Variants in HIBADH observed in about 807,000 individuals in gnomAD.
The protein encoded by HIBADH is 3-hydroxyisobutyrate dehydrogenase.
A neutral mutation model predicts 36.1 loss-of-function variants in HIBADH; 25 were observed. That is an observed-to-expected ratio of 0.69 (90% CI 0.50 to 0.97). The LOEUF (loss-of-function observed/expected upper bound fraction) is 0.97. Ranked by LOEUF, HIBADH falls within the 50% of genes least tolerant of loss-of-function variation. The pLI, the probability that HIBADH is intolerant of heterozygous loss-of-function variation, is 0.00. For missense variants in HIBADH, 421 were observed against 418.0 expected (o/e 1.01, Z -0.06); for synonymous variants, 160 against 149.5 (o/e 1.07, Z -0.51).
chr7:27,602,096 T>G (rs1425774914), intron 4 of HIBADH, among the ~76,000 whole-genome samples: 1 of 152,104 alleles, frequency 6.6e-6, no homozygotes, highest in Non-Finnish European at 1.5e-5. Context: ...AAATGTCTTA[T>G]TTTTGCTAAA....
chr7:27,646,712 T>TC (rs1306805148), intron 2 of HIBADH, among the ~76,000 whole-genome samples: 3 of 147,736 alleles, frequency 2.0e-5, no homozygotes, highest in Admixed American at 6.8e-5. Flanking sequence ...TTTTTTTTTT[T>TC]TGAGACAGAG....
chr7:27,655,595 G>T (rs1018703986), intron 1 of HIBADH, among the ~76,000 whole-genome samples: 2 of 141,862 alleles, frequency 1.4e-5, no homozygotes, highest in African/African-American at 5.0e-5. Context: ...ATCACAAACA[G>T]ATAAAATACA....
At chr7:27,608,575 A>C (rs931274173) in intron 4 of HIBADH, among the ~76,000 whole-genome samples, 1 of 152,174 alleles carries the variant, frequency 6.6e-6, no homozygotes, top group African/African-American at 2.4e-5. Context: ...CCCTTGTCAA[A>C]TTCTCAATTA....
intron 4 of HIBADH, among the ~76,000 whole-genome samples, chr7:27,602,061 A>G (rs1002078920): frequency 6.6e-6 from 1 of 152,104 alleles, no homozygotes; most frequent in Non-Finnish European, 1.5e-5. Context: ...AGTCTCCTGC[A>G]ATAATATTGA....
chr7:27,631,210 T>C (rs964518728), intron 3 of HIBADH, among the ~76,000 whole-genome samples: 1 of 152,226 alleles, frequency 6.6e-6, no homozygotes, highest in Non-Finnish European at 1.5e-5. Flanking sequence ...GGACCATAAC[T>C]GTAACAGGCT....
intron 1 of HIBADH, among the ~76,000 whole-genome samples, chr7:27,650,529 G>A (rs540876225): frequency 6.7e-6 from 1 of 149,260 alleles, no homozygotes; most frequent in South Asian, 2.1e-4. Context: ...GTCTCACTCT[G>A]TCACCCAGAT....
intron 6 of HIBADH, among the ~76,000 whole-genome samples, chr7:27,535,821 AGGGT>A (rs1784063670): frequency 6.6e-6 from 1 of 152,114 alleles, no homozygotes; most frequent in South Asian, 2.1e-4. Context: ...AAAAGAGCAT[AGGGT>A]CAATAAGAAT....
chr7:27,580,013 G>A (rs1276017046), intron 4 of HIBADH, among the ~76,000 whole-genome samples: 1 of 152,094 alleles, frequency 6.6e-6, no homozygotes, highest in East Asian at 1.9e-4. Flanking sequence ...GAGTCTGTTT[G>A]AACAGCCACA....
In HIBADH at chr7:27,558,576, G is replaced by A. The variant is rs538963841; in HGVS notation, c.485-15476C>T. Among the ~76,000 whole-genome samples the A allele has an allele frequency of 3.9e-5, 6 of 152,056 alleles. No homozygotes were observed. In the East Asian group the frequency reaches 5.8e-4, roughly 15 times the overall value. ...TCCTAAGCTCAAGCAATCCACCTGCGGTCCCAGCTACATAGGAGGCTGAGG... is the reference window on the plus strand; with the variant it reads ...TCCTAAGCTCAAGCAATCCACCTGCAGTCCCAGCTACATAGGAGGCTGAGG... On this transcript the variant is annotated intron_variant, in intron 4 of 7. Transcript: ENST00000265395.
chr7:27,632,419 A>C lies in HIBADH; in HGVS notation c.279T>G (p.Ala93=), dbSNP rs1483289509. The change falls in exon 3 of 8, where the codon GCT becomes GCG. Residue 93 remains alanine (A), a synonymous_variant. Coordinates refer to ENST00000265395, the MANE Select transcript of HIBADH (RefSeq NM_152740.4). The part of the protein sequence containing the change: ...EQVVSSPADV[A]EKADRIITML... The stretch of plus-strand genomic sequence containing the variant: ...TTGTAATAATTCTGTCAGCTTTTTC[A>C]GCAACATCTGCTGGGGAAGATACTA... 1 of 1,613,470 alleles carries C rather than the reference A, an allele frequency of 6.2e-7. No individual in the cohort carries two copies. Among genetic ancestry groups the C allele is most frequent in the East Asian group, 2.2e-5 (1 of 44,816 alleles).
intron 7 of HIBADH, 96 bp from the exon 8 acceptor site, chr7:27,526,468 G>T (rs1783899470): frequency 1.2e-5 from 11 of 951,720 alleles, no homozygotes; most frequent in Non-Finnish European, 1.6e-5. Flanking sequence ...AAGGAAAAAT[G>T]TAATCTGAAA....
chr7:27,588,568 T>C (rs78232480), intron 4 of HIBADH, among the ~76,000 whole-genome samples: 1 of 152,160 alleles, frequency 6.6e-6, no homozygotes, highest in Non-Finnish European at 1.5e-5. Flanking sequence ...TGGCCTCAAG[T>C]GATCCTCCTG....
intron 4 of HIBADH, among the ~76,000 whole-genome samples, chr7:27,615,382 T>G (rs1352486618): frequency 6.6e-6 from 1 of 152,212 alleles, no homozygotes; most frequent in East Asian, 1.9e-4. Flanking sequence ...GATTTTTCCA[T>G]CTATAAAATG....
rs59073946 is a variant in HIBADH, at chr7:27,650,712, TA to T, written c.92-1080del. 6.0e-3 allele frequency among the ~76,000 whole-genome samples: 754 copies of T among 126,248 alleles called. 7 individuals are homozygous for T. The highest frequency in any genetic ancestry group is 0.036 in the Middle Eastern group (9 of 252). 82.8% of individuals were successfully genotyped at this position (126,248 alleles called of 152,430 possible). A position where few individuals can be genotyped will look rare whatever the true frequency, so the allele number is the denominator to read the frequency against. ...TTCACCATGTTGACCAGGCTGCCAT[TA>T]AAAAAAAAAAAAAAAAAGCCTTAAA... is the stretch of plus-strand genomic sequence containing the variant. On this transcript the variant is annotated intron_variant, in intron 1 of 7. Transcript: ENST00000265395.
chr7:27,640,722 C>G (rs977591470), intron 2 of HIBADH, among the ~76,000 whole-genome samples: 5 of 152,138 alleles, frequency 3.3e-5, no homozygotes, highest in African/African-American at 1.2e-4. Context: ...GCACGAACAT[C>G]AGAGAGAGCA....
intron 4 of HIBADH, among the ~76,000 whole-genome samples, chr7:27,593,522 A>T (rs968649020): frequency 6.6e-6 from 1 of 152,190 alleles, no homozygotes; most frequent in Non-Finnish European, 1.5e-5. Flanking sequence ...TCTTCAACAT[A>T]ATTTTTCAAA....
rs1005418 is a variant in HIBADH at position 27,570,840 on chromosome 7, A to T, written c.485-27740T>A. Among the ~76,000 whole-genome samples, 19 of 151,944 alleles carry T rather than the reference A, an allele frequency of 1.3e-4. 2 individuals are homozygous for T. The highest frequency in any genetic ancestry group is 1.1e-3 in the Admixed American group (17 of 15,246). The stretch of plus-strand genomic sequence containing the variant: ...TAGTTTTACTATCATGTATTTAGTA[A>T]GATTTCTTTTTTAAAAAAATTTAAA... On this transcript the variant is annotated intron_variant, in intron 4 of 7. Coordinates refer to ENST00000265395, the MANE Select transcript of HIBADH (RefSeq NM_152740.4).
chr7:27,616,588 A>T (rs573584948), intron 4 of HIBADH, among the ~76,000 whole-genome samples: 2 of 152,212 alleles, frequency 1.3e-5, no homozygotes, highest in African/African-American at 4.8e-5. Flanking sequence ...CAGCCTCCTA[A>T]GTAGATGGGA....
chr7:27,606,596 C>T (rs535201604), intron 4 of HIBADH, among the ~76,000 whole-genome samples: 45 of 152,240 alleles, frequency 3.0e-4, no homozygotes, highest in Non-Finnish European at 5.3e-4. Context: ...ATGGCTTTGG[C>T]CAAGAGTATT....
Sources: allele counts gnomAD v4.1 joint callset (sites outside exome capture counted in the v4.1 genomes callset), GRCh38; gene constraint gnomAD v4.1.1; transcripts MANE v1.5; gene names NCBI Gene and HGNC (gene_info 2026-07-23, HGNC 2026-07-21).